RGS7: variants seen among roughly 807,000 people sequenced by gnomAD.
The protein encoded by RGS7 is regulator of G protein signaling 7.
RGS7 carries 27 observed loss-of-function variants against 81.1 expected under a neutral mutation model. The observed-to-expected ratio is 0.33, with a 90% confidence interval of 0.25 to 0.46. The LOEUF (loss-of-function observed/expected upper bound fraction) is 0.46, where lower values mean the gene tolerates loss of function less well. Among genes scored for constraint, RGS7 ranks in the 20% least tolerant of loss-of-function variants. The probability of loss-of-function intolerance (pLI) is 1.00; values close to 1 mark genes in which losing one functional copy is unlikely to be tolerated. For missense variants in RGS7, 396 were observed against 607.4 expected, an observed-to-expected ratio of 0.65 and a Z score of 3.66; for synonymous variants, 208 against 207.7, an observed-to-expected ratio of 1.00 and a Z score of -0.01.
chr1:240,797,835 C>T (rs1687328642), intron 18 of RGS7, among the ~76,000 whole-genome samples: 1 of 152,128 alleles, frequency 6.6e-6, no homozygotes, highest in Non-Finnish European at 1.5e-5. Flanking sequence ...AGAGACTTCT[C>T]TGATAGCAAG....
At chr1:240,857,018 A>G (rs1209628651) in intron 9 of RGS7, among the ~76,000 whole-genome samples, 1 of 152,136 alleles carries the variant, frequency 6.6e-6, no homozygotes, top group African/African-American at 2.4e-5. Flanking sequence ...ATGGCATACA[A>G]AGACACACAG....
intron 9 of RGS7, among the ~76,000 whole-genome samples, chr1:240,843,019 G>C (rs1236384529): frequency 6.6e-6 from 1 of 151,840 alleles, no homozygotes; most frequent in Non-Finnish European, 1.5e-5. Flanking sequence ...ACAAAAATTA[G>C]CTAGGCATGG....
intron 2 of RGS7, among the ~76,000 whole-genome samples, chr1:241,151,916 A>G (rs987923946): frequency 6.6e-6 from 1 of 152,172 alleles, no homozygotes; most frequent in African/African-American, 2.4e-5. Flanking sequence ...TACAAGCTCC[A>G]TGGTACCATG....
intron 2 of RGS7, among the ~76,000 whole-genome samples, chr1:241,340,579 T>C (rs1013709085): frequency 2.0e-5 from 3 of 152,198 alleles, no homozygotes; most frequent in African/African-American, 7.2e-5. Flanking sequence ...TTATTTTCAC[T>C]GTACTATTAT....
At chr1:240,943,013 AC>A (rs1677864901) in intron 4 of RGS7, among the ~76,000 whole-genome samples, 1 of 152,216 alleles carries the variant, frequency 6.6e-6, no homozygotes, top group African/African-American at 2.4e-5. Context: ...TTTAAAAAAA[AC>A]ATCATTTGCA....
At chr1:240,957,262 C>T (rs189033313) in intron 4 of RGS7, among the ~76,000 whole-genome samples, 1 of 152,214 alleles carries the variant, frequency 6.6e-6, no homozygotes, top group African/African-American at 2.4e-5. Context: ...GAACCTCAGA[C>T]TCCAGGTTCT....
chr1:240,997,045 G>A (rs1402609320), intron 3 of RGS7, among the ~76,000 whole-genome samples: 1 of 152,088 alleles, frequency 6.6e-6, no homozygotes, highest in Non-Finnish European at 1.5e-5. Flanking sequence ...AGCCTCCTGG[G>A]CTTAAGTGAT....
At chr1:241,028,607 A>G (rs1486464905) in intron 3 of RGS7, among the ~76,000 whole-genome samples, 1 of 152,186 alleles carries the variant, frequency 6.6e-6, no homozygotes, top group Non-Finnish European at 1.5e-5. Flanking sequence ...AACGTGTTTC[A>G]GCTGAAAGAT....
chr1:240,876,316 G>C (rs1041203554), intron 6 of RGS7, among the ~76,000 whole-genome samples: 1 of 152,110 alleles, frequency 6.6e-6, no homozygotes, highest in African/African-American at 2.4e-5. Context: ...TCCACTCAGG[G>C]CTGGTGGAAG....
intron 2 of RGS7, among the ~76,000 whole-genome samples, chr1:241,104,707 T>C (rs752311830): frequency 6.6e-6 from 1 of 152,236 alleles, no homozygotes; most frequent in Non-Finnish European, 1.5e-5. Flanking sequence ...ATTTTGAGAA[T>C]ATGTATTGCT....
At chr1:240,859,608 CT>C (rs764118685) in intron 9 of RGS7, among the ~76,000 whole-genome samples, 1 of 151,576 alleles carries the variant, frequency 6.6e-6, no homozygotes, top group Non-Finnish European at 1.5e-5. Context: ...CCCTTTATTC[CT>C]TAGTTAACCT....
Position 240,800,696 on chromosome 1 carries a change from C to A in RGS7, c.1439G>T (p.Cys480Phe). Residue 480 changes from cysteine (C) to phenylalanine (F), a missense_variant, in exon 18 of 19, where the codon TGC becomes TTC. Transcript: ENST00000440928. ...NVGRNIPIFPCHKNCTPTLRA... is the reference protein window; with the variant it reads ...NVGRNIPIFPFHKNCTPTLRA... ...CAGTGTTGGTGTACAGTTTTTATGG[C>A]ATGGGAAAATAGGGATGTTTCTGCC... The A allele has an allele frequency of 6.5e-7, 1 of 1,546,636 alleles. No individual in the cohort carries two copies. Among genetic ancestry groups the A allele is most frequent in the Non-Finnish European group, 8.7e-7 (1 of 1,143,938 alleles).
chr1:241,345,747 G>T (rs1406931319), intron 2 of RGS7, among the ~76,000 whole-genome samples: 2 of 152,020 alleles, frequency 1.3e-5, no homozygotes, highest in Non-Finnish European at 2.9e-5. Flanking sequence ...AATACTTAAG[G>T]CCAGGCGCAC....
chr1:240,893,469 C>T (rs1261248406), intron 6 of RGS7, among the ~76,000 whole-genome samples: 1 of 152,024 alleles, frequency 6.6e-6, no homozygotes, highest in Non-Finnish European at 1.5e-5. Flanking sequence ...GCATATTTCT[C>T]CCATAGTATT....
chr1:241,325,316 T>C (rs1028116464), intron 2 of RGS7, among the ~76,000 whole-genome samples: 1 of 152,216 alleles, frequency 6.6e-6, no homozygotes, highest in Non-Finnish European at 1.5e-5. Context: ...ATCACAGTGA[T>C]CCAAACTAGC....
chr1:241,182,648 C>CA (rs2071723410), intron 2 of RGS7, among the ~76,000 whole-genome samples: 1 of 118,182 alleles, frequency 8.5e-6, no homozygotes, highest in African/African-American at 3.1e-5. Flanking sequence ...GCATCTCACG[C>CA]TTTTTTTTTT....
In RGS7 at chr1:241,289,814, T is replaced by C. The variant is rs1183645815; in HGVS notation, c.78+65885A>G. Among the ~76,000 whole-genome samples the C allele has an allele frequency of 7.2e-5, 11 of 151,950 alleles. No individual in the cohort carries two copies. In the East Asian group the frequency reaches 7.7e-4, roughly 11 times the overall value. On this transcript the variant is annotated intron_variant, in intron 2 of 18. Transcript: ENST00000440928. ...AGGTGGGAAGTGGTACGAGGGAAGA[T>C]GGAGGGAGAGCATGACTGCCTGCTG...
chr1:241,288,436 C>T (rs991619246), intron 2 of RGS7, among the ~76,000 whole-genome samples: 1 of 152,152 alleles, frequency 6.6e-6, no homozygotes, highest in African/African-American at 2.4e-5. Flanking sequence ...TGTTATTGTT[C>T]CTCAGAGAAG....
At chr1:240,917,868 C>G (rs925547890) in intron 6 of RGS7, among the ~76,000 whole-genome samples, 2 of 151,994 alleles carry the variant, frequency 1.3e-5, no homozygotes, top group African/African-American at 4.8e-5. Flanking sequence ...TTAGAAGAAA[C>G]TTGCTTTAAA....
Sources: gnomAD v4.1 joint callset for allele counts (sites outside exome capture counted in the v4.1 genomes callset) on GRCh38, gnomAD v4.1.1 for gene constraint, MANE v1.5 for transcripts, NCBI Gene and HGNC (gene_info 2026-07-23, HGNC 2026-07-21) for gene names.